Variants in WBP4 observed in about 807,000 individuals in gnomAD.
The protein encoded by WBP4 is WW domain-binding protein 4.
A neutral mutation model predicts 55.4 loss-of-function variants in WBP4; 37 were observed. The ratio of observed to expected loss-of-function variants is 0.67; its 90% CI spans 0.51 to 0.88. The LOEUF (loss-of-function observed/expected upper bound fraction) is 0.88, where lower values mean the gene tolerates loss of function less well. WBP4 is among the 40% of genes least tolerant of loss of function. The pLI is 0.00. For synonymous variants in WBP4, 142 were observed against 140.2 expected (o/e 1.01, Z -0.09); for missense variants, 398 against 420.8 (o/e 0.95, Z 0.47).
In WBP4 at chr13:41,082,375, A is replaced by G. The variant is rs549721257; in HGVS notation, c.921-329A>G. 2.6e-5 allele frequency among the ~76,000 whole-genome samples: 4 copies of G among 152,148 alleles called. No individual in the cohort carries two copies. The East Asian group carries it at 5.8e-4, about 22-fold the overall frequency. On this transcript the variant is annotated intron_variant, in intron 9 of 9. Transcript: ENST00000379487. Reference sequence around the variant, plus strand: ...GTGATCCTCCTGCCTCGGCCTCTCAAAGTGCTGGGATTACAAGATTGAGCC... The same window carrying G: ...GTGATCCTCCTGCCTCGGCCTCTCAGAGTGCTGGGATTACAAGATTGAGCC...
intron 2 of WBP4, among the ~76,000 whole-genome samples, chr13:41,064,589 AATC>A (rs1270351602): frequency 6.6e-6 from 1 of 152,214 alleles, no homozygotes; most frequent in Non-Finnish European, 1.5e-5. Flanking sequence ...AAAGCAATAA[AATC>A]ATTGTTCTCT....
chr13:41,065,372 A>G (rs149706421), intron 4 of WBP4, 85 bp downstream of exon 4: 34 of 1,462,548 alleles, frequency 2.3e-5, no homozygotes, highest in Admixed American at 5.6e-5. Context: ...GATTGCTTCC[A>G]TAAAGAGGTT....
chr13:41,082,888 T>C lies in WBP4; in HGVS notation c.1105T>C (p.Leu369=). The change falls in exon 10 of 10, where the codon TTA becomes CTA. Residue 369 remains leucine (L), a synonymous_variant. Transcript: ENST00000379487. ...AACTGAAAATGGAAAATCTAGAAAT[T>C]TAAGGCAACGAGGTGATGATCAATA... The part of the protein sequence containing the change: ...RRTENGKSRN[L]RQRGDDQ The C allele has an allele frequency of 6.2e-7, 1 of 1,613,972 alleles. No individual in the cohort carries two copies. Among genetic ancestry groups the C allele is most frequent in the Non-Finnish European group, 8.5e-7 (1 of 1,179,966 alleles).
chr13:41,067,145 G>A (rs959246211), intron 4 of WBP4, among the ~76,000 whole-genome samples: 1 of 152,000 alleles, frequency 6.6e-6, no homozygotes, highest in Non-Finnish European at 1.5e-5. Context: ...GTAGAGACGG[G>A]GTCTTGCCAT....
In WBP4 at chr13:41,061,561, T is replaced by A; in HGVS notation, c.-113T>A. ...CCGGGGACTGAGTAAGGTGTCTGGATCGGAGGGAGGTTCGGGTGGGCATCG... is the reference window on the plus strand; with the variant it reads ...CCGGGGACTGAGTAAGGTGTCTGGAACGGAGGGAGGTTCGGGTGGGCATCG... On this transcript the variant is annotated 5_prime_UTR_variant, in exon 1 of 10. Transcript: ENST00000379487. The A allele has an allele frequency of 2.0e-6, 3 of 1,536,242 alleles. No individual in the cohort carries two copies. Among genetic ancestry groups the A allele is most frequent in the Non-Finnish European group, 2.7e-6 (3 of 1,116,910 alleles).
At chr13:41,064,202 A>G (rs1433486016) in intron 2 of WBP4, among the ~76,000 whole-genome samples, 1 of 152,118 alleles carries the variant, frequency 6.6e-6, no homozygotes, top group African/African-American at 2.4e-5. Context: ...ATTTAACAGT[A>G]TGTAACTGGA....
chr13:41,074,790 C>T (rs1878403080), intron 7 of WBP4, among the ~76,000 whole-genome samples: 1 of 151,972 alleles, frequency 6.6e-6, no homozygotes, highest in Non-Finnish European at 1.5e-5. Flanking sequence ...AGGTCAGGAG[C>T]TCGTGACCAG....
intron 8 of WBP4, among the ~76,000 whole-genome samples, chr13:41,079,343 G>A (rs1443145880): frequency 6.6e-6 from 1 of 152,112 alleles, no homozygotes; most frequent in East Asian, 1.9e-4. Context: ...GGCTGAGGCT[G>A]GCAGATACTT....
intron 1 of WBP4, 86 bp downstream of exon 1, chr13:41,061,761 C>T: frequency 6.3e-7 from 1 of 1,595,722 alleles, no homozygotes; most frequent in Non-Finnish European, 8.5e-7. Context: ...CCTCTCCTCC[C>T]GCCCTTCGGC....
Position 41,062,221 on chromosome 13 carries a change from G to T in WBP4, c.3-423G>T, listed in dbSNP as rs145209039. 9.3e-5 allele frequency: 91 copies of T among 974,328 alleles called. No individual in the cohort carries two copies. The African/African-American group carries it at 1.6e-3, about 17-fold the overall frequency. The allele number at this position is 974,328 out of a possible 1,614,324, so 60.4% of individuals were successfully genotyped here. ...AACTGAGAGTCTGGGAGGAACTACA[G>T]TTTTCCCCAGAGTAGTCTTGTACGT... On this transcript the variant is annotated intron_variant, in intron 1 of 9. Transcript: ENST00000379487.
rs1428056972 is a variant in WBP4, at chr13:41,061,583, A to C, written c.-91A>C. 9 of 1,605,082 alleles carry C rather than the reference A, an allele frequency of 5.6e-6. No individual in the cohort carries two copies. Among genetic ancestry groups the C allele is most frequent in the Admixed American group, 1.7e-5 (1 of 59,718 alleles). On this transcript the variant is annotated 5_prime_UTR_variant, in exon 1 of 10. Transcript: ENST00000379487. ...GGATCGGAGGGAGGTTCGGGTGGGC[A>C]TCGGGCGGCTGGAAGAGCTCGACTC...
intron 1 of WBP4, 67 bp downstream of exon 1, chr13:41,061,742 TCTTC>T: frequency 6.2e-7 from 1 of 1,608,348 alleles, no homozygotes. Flanking sequence ...CTCGCCCGGG[TCTTC>T]CCCTCCTCTC....
intron 1 of WBP4, chr13:41,062,301 G>A (rs1877715935): frequency 1.0e-6 from 1 of 983,662 alleles, no homozygotes. Context: ...GTTTCTTCAG[G>A]TTTCCATTAC....
intron 9 of WBP4, among the ~76,000 whole-genome samples, chr13:41,081,914 A>G (rs571325567): frequency 1.7e-4 from 26 of 152,348 alleles, no homozygotes; most frequent in Non-Finnish European, 3.5e-4. Flanking sequence ...TCAGCTACTT[A>G]AACATAACGA....
intron 9 of WBP4, 31 bp downstream of exon 9, chr13:41,080,840 A>G: frequency 6.3e-7 from 1 of 1,578,926 alleles, no homozygotes; most frequent in Admixed American, 2.0e-5. Flanking sequence ...TCCCACTGTT[A>G]TTACAAGTGA....
In WBP4 at chr13:41,062,705, G is replaced by T; in HGVS notation, c.64G>T (p.Asp22Tyr). The change falls in exon 2 of 10, where the codon GAC becomes TAC. Residue 22 changes from aspartate to tyrosine, a missense_variant. Coordinates refer to ENST00000379487, the MANE Select transcript of WBP4 (RefSeq NM_007187.5). ...FCDYCKCWIA[D>Y]NRPSVEFHER... ...TGATTACTGCAAGTGCTGGATAGCAGACAATAGGCCTGTATGATAATTCCG... is the reference window on the plus strand; with the variant it reads ...TGATTACTGCAAGTGCTGGATAGCATACAATAGGCCTGTATGATAATTCCG... The T allele has an allele frequency of 6.2e-7, 1 of 1,613,434 alleles. No individual in the cohort carries two copies. Among genetic ancestry groups the T allele is most frequent in the South Asian group, 1.1e-5 (1 of 90,970 alleles).
At chr13:41,069,888 AAAAAG>A (rs1048003330) in intron 5 of WBP4, among the ~76,000 whole-genome samples, 1 of 150,904 alleles carries the variant, frequency 6.6e-6, no homozygotes, top group African/African-American at 2.4e-5. Context: ...CAAAAAAAAA[AAAAAG>A]AAAAAAAAAA....
chr13:41,069,992 A>G (rs1878168923), intron 5 of WBP4, among the ~76,000 whole-genome samples: 1 of 152,066 alleles, frequency 6.6e-6, no homozygotes, highest in Admixed American at 6.5e-5. Flanking sequence ...TTTACTCCGT[A>G]TACATTTTGG....
intron 1 of WBP4, chr13:41,062,145 C>A (rs1436260769): frequency 2.1e-6 from 2 of 951,224 alleles, no homozygotes; most frequent in African/African-American, 3.8e-5. Context: ...TACGAAGTCC[C>A]ATGGCTTTTC....
Sources: allele counts gnomAD v4.1 joint callset (sites outside exome capture counted in the v4.1 genomes callset), GRCh38; gene constraint gnomAD v4.1.1; transcripts MANE v1.5; gene names NCBI Gene and HGNC (gene_info 2026-07-23, HGNC 2026-07-21).